Variants in RBFOX1 observed in about 807,000 individuals in gnomAD.
The protein encoded by RBFOX1 is RNA binding protein fox-1 homolog 1.
In RBFOX1, 8 loss-of-function variants were observed where a neutral mutation model predicts 57.7. The ratio of observed to expected loss-of-function variants is 0.14; its 90% CI spans 0.08 to 0.25. The LOEUF (loss-of-function observed/expected upper bound fraction) is 0.25. RBFOX1 is among the 10% of genes least tolerant of loss of function. The probability of loss-of-function intolerance (pLI) is 1.00; values close to 1 mark genes in which losing one functional copy is unlikely to be tolerated. For synonymous variants in RBFOX1, 326 were observed against 222.4 expected, an observed-to-expected ratio of 1.47 and a Z score of -4.15; for missense variants, 611 against 548.5, an observed-to-expected ratio of 1.11 and a Z score of -1.14.
intron 13 of RBFOX1, among the ~76,000 whole-genome samples, chr16:7,674,304 G>T (rs1424801231): frequency 6.6e-6 from 1 of 152,122 alleles, no homozygotes; most frequent in Non-Finnish European, 1.5e-5. Context: ...TCCCCATGTG[G>T]CTATTTACAT....
At chr16:5,847,714 G>A (rs929638630) in intron 3 of RBFOX1, among the ~76,000 whole-genome samples, 7 of 152,090 alleles carry the variant, frequency 4.6e-5, no homozygotes, top group Non-Finnish European at 5.9e-5. Flanking sequence ...CCTTCCAGTT[G>A]TGTGGTCTGG....
intron 1 of RBFOX1, among the ~76,000 whole-genome samples, chr16:5,361,338 A>AGCT (rs2065544773): frequency 6.6e-6 from 1 of 152,178 alleles, no homozygotes; most frequent in East Asian, 1.9e-4. Context: ...GAAGTGGGCC[A>AGCT]ACTAGGTAGT....
chr16:6,928,582 G>T (rs1374011534), intron 3 of RBFOX1, among the ~76,000 whole-genome samples: 1 of 152,050 alleles, frequency 6.6e-6, no homozygotes, highest in East Asian at 1.9e-4. Flanking sequence ...AATTCCTTGG[G>T]ATCAGCAATG....
At chr16:6,786,866 C>T (rs1249017067) in intron 3 of RBFOX1, among the ~76,000 whole-genome samples, 1 of 151,312 alleles carries the variant, frequency 6.6e-6, no homozygotes, top group African/African-American at 2.4e-5. Context: ...TATTTCAGAC[C>T]AGAAGGAAGA....
chr16:6,334,727 T>C (rs1438779595), intron 2 of RBFOX1, among the ~76,000 whole-genome samples: 2 of 152,108 alleles, frequency 1.3e-5, no homozygotes, highest in Admixed American at 6.6e-5. Context: ...TGTAGTTCTG[T>C]TGAGAATTCA....
chr16:5,505,077 A>C lies in RBFOX1; in HGVS notation c.258+37823A>C, dbSNP rs569211807. On this transcript the variant is annotated intron_variant, in intron 2 of 2. Transcript: ENST00000585867. The stretch of plus-strand genomic sequence containing the variant: ...TAGCCCTGTGGATATACCAAACACC[A>C]CTTGAGATGGGCACTTTCAGTGGGG... Among the ~76,000 whole-genome samples the C allele has an allele frequency of 2.1e-4, 24 of 116,206 alleles. 1 individual carries two copies. Among genetic ancestry groups the C allele is most frequent in the Admixed American group, 1.6e-3 (21 of 13,468 alleles). 76.2% of individuals were successfully genotyped at this position (116,206 alleles called of 152,430 possible).
intron 2 of RBFOX1, among the ~76,000 whole-genome samples, chr16:6,354,232 C>T (rs1336579749): frequency 6.6e-6 from 1 of 152,012 alleles, no homozygotes; most frequent in Non-Finnish European, 1.5e-5. Flanking sequence ...CACACAGACA[C>T]ACACACACAC....
At chr16:6,846,141 G>A (rs1693885612) in intron 3 of RBFOX1, among the ~76,000 whole-genome samples, 1 of 152,128 alleles carries the variant, frequency 6.6e-6, no homozygotes. Flanking sequence ...CAGACTTGTT[G>A]CCTAGCCCAG....
At chr16:5,952,005 GTA>G (rs752117713) in intron 4 of RBFOX1, among the ~76,000 whole-genome samples, 5 of 149,580 alleles carry the variant, frequency 3.3e-5, no homozygotes, top group Non-Finnish European at 5.9e-5. Flanking sequence ...ATGTGTGTGT[GTA>G]TATATATATG....
intron 2 of RBFOX1, among the ~76,000 whole-genome samples, chr16:5,490,499 C>T (rs753779525): frequency 1.6e-4 from 24 of 152,184 alleles, no homozygotes; most frequent in Non-Finnish European, 3.4e-4. Context: ...CGTTGCTATC[C>T]GGAGCCCTTT....
chr16:7,440,103 C>G (rs918557483), intron 4 of RBFOX1, among the ~76,000 whole-genome samples: 1 of 151,972 alleles, frequency 6.6e-6, no homozygotes, highest in African/African-American at 2.4e-5. Context: ...GCCGTGTCGC[C>G]TAGGCTGGTC....
At chr16:6,410,807 C>G (rs1378251199) in intron 2 of RBFOX1, among the ~76,000 whole-genome samples, 1 of 152,172 alleles carries the variant, frequency 6.6e-6, no homozygotes, top group Non-Finnish European at 1.5e-5. Flanking sequence ...GGAGTGGAAA[C>G]AAACCTACCT....
In RBFOX1 at chr16:5,944,790, T is replaced by TAAAAAA. The variant is rs60749168; in HGVS notation, c.351+77469_351+77474dup. Among the ~76,000 whole-genome samples, 44 of 41,260 alleles carry TAAAAAA rather than the reference T, an allele frequency of 1.1e-3. 8 individuals carry two copies. Among genetic ancestry groups the TAAAAAA allele is most frequent in the African/African-American group, 2.6e-3 (25 of 9,746 alleles). The allele number at this position is 41,260 out of a possible 152,430, so 27.1% of individuals were successfully genotyped here. A position where few individuals can be genotyped will look rare whatever the true frequency, so the allele number is the denominator to read the frequency against. ...CAACTTGGTGAAACCCTGTCTCTGC[T>TAAAAAA]AAAAAAAAAAAAAAAAAAATTAGCT... is the stretch of plus-strand genomic sequence containing the variant. On this transcript the variant is annotated intron_variant, in intron 4 of 19. Coordinates refer to the RBFOX1 transcript ENST00000641259.
intron 4 of RBFOX1, among the ~76,000 whole-genome samples, chr16:7,328,033 G>C (rs1335518117): frequency 6.6e-6 from 1 of 152,084 alleles, no homozygotes; most frequent in Non-Finnish European, 1.5e-5. Flanking sequence ...AACTTTGAGA[G>C]GCTACCACTC....
intron 4 of RBFOX1, among the ~76,000 whole-genome samples, chr16:7,334,664 A>G (rs1245129112): frequency 3.9e-5 from 6 of 152,216 alleles, no homozygotes; most frequent in Admixed American, 2.0e-4. Context: ...CTTGTTGGGA[A>G]TTAAATAACT....
intron 1 of RBFOX1, among the ~76,000 whole-genome samples, chr16:6,159,529 T>G (rs952313158): frequency 2.0e-5 from 3 of 152,162 alleles, no homozygotes; most frequent in Non-Finnish European, 4.4e-5. Context: ...CCAGTTCCAG[T>G]GCACACAGCA....
intron 4 of RBFOX1, among the ~76,000 whole-genome samples, chr16:7,078,639 C>A (rs1386148487): frequency 1.3e-5 from 2 of 151,614 alleles, no homozygotes; most frequent in Non-Finnish European, 2.9e-5. Flanking sequence ...TGAGCCACCA[C>A]ACCCAGCCCG....
intron 4 of RBFOX1, among the ~76,000 whole-genome samples, chr16:7,436,559 C>A (rs955937226): frequency 3.3e-5 from 5 of 152,172 alleles, no homozygotes; most frequent in Non-Finnish European, 5.9e-5. Context: ...TAAGTAGTCC[C>A]ATTTTAAAGA....
intron 2 of RBFOX1, among the ~76,000 whole-genome samples, chr16:6,526,913 GT>G (rs1683734188): frequency 6.7e-6 from 1 of 148,534 alleles, no homozygotes; most frequent in African/African-American, 2.5e-5. Flanking sequence ...TATCCCCATG[GT>G]ACATAAAAGA....
Sources: allele counts gnomAD v4.1 joint callset (sites outside exome capture counted in the v4.1 genomes callset), GRCh38; gene constraint gnomAD v4.1.1; transcripts MANE v1.5; gene names NCBI Gene and HGNC (gene_info 2026-07-23, HGNC 2026-07-21).